The following MAPKAPK5 variants were observed in gnomAD, a reference collection of about 807,000 sequenced individuals.
MAPKAPK5 encodes the protein MAP kinase-activated protein kinase 5.
Under a neutral mutation model 65.1 loss-of-function variants are expected in MAPKAPK5, and 30 were observed. The observed-to-expected ratio is 0.46, with a 90% CI of 0.34 to 0.63. The LOEUF is 0.63. Ranked by LOEUF, MAPKAPK5 falls within the 20% of genes least tolerant of loss-of-function variation. MAPKAPK5 has a pLI of 0.01. For missense variants in MAPKAPK5, 433 were observed against 581.4 expected (o/e 0.74, Z 2.63); for synonymous variants, 179 against 204.6 (o/e 0.87, Z 1.07).
intron 8 of MAPKAPK5, among the ~76,000 whole-genome samples, chr12:111,880,922 GAC>G (rs2136136459): frequency 6.6e-6 from 1 of 152,282 alleles, no homozygotes; most frequent in African/African-American, 2.4e-5. Flanking sequence ...CCATTTCTGA[GAC>G]ACAGACGCTA....
chr12:111,871,078 A>G lies in MAPKAPK5; in HGVS notation c.484-7A>G. The G allele has an allele frequency of 6.3e-7, 1 of 1,596,206 alleles. No individual in the cohort carries two copies. The highest frequency in any genetic ancestry group is 1.8e-5 in the Admixed American group (1 of 55,376). On this transcript the variant is annotated splice_polypyrimidine_tract_variant and splice_region_variant and intron_variant, in intron 6 of 13. Coordinates refer to ENST00000550735, the MANE Select transcript of MAPKAPK5 (RefSeq NM_003668.4). ...GGAGCAGTGACTCCTTTTTTTTTTA[A>G]TTTCAGGATGCCCCAGTGAAGTTGT...
chr12:111,849,108 TA>T (rs1331918999), intron 1 of MAPKAPK5, among the ~76,000 whole-genome samples: 3 of 151,708 alleles, frequency 2.0e-5, no homozygotes, highest in Admixed American at 6.6e-5. Flanking sequence ...ATTATTTATT[TA>T]TTTTTTTATT....
chr12:111,877,693 T>C (rs1294102755), intron 7 of MAPKAPK5, among the ~76,000 whole-genome samples: 1 of 152,192 alleles, frequency 6.6e-6, no homozygotes, highest in African/African-American at 2.4e-5. Context: ...TTTCTTTTTT[T>C]TGTTGGAGAC....
intron 1 of MAPKAPK5, among the ~76,000 whole-genome samples, chr12:111,855,531 A>G (rs1307350181): frequency 2.0e-5 from 3 of 152,102 alleles, no homozygotes; most frequent in Admixed American, 2.0e-4. Flanking sequence ...CTGGTTATTT[A>G]TAAGTGTGTT....
intron 1 of MAPKAPK5, among the ~76,000 whole-genome samples, chr12:111,851,790 C>T (rs1463880523): frequency 6.6e-6 from 1 of 152,180 alleles, no homozygotes; most frequent in Non-Finnish European, 1.5e-5. Flanking sequence ...ACAATAAATT[C>T]CTGGTGGAGA....
At chr12:111,890,776 G>A (rs1436683790) in intron 13 of MAPKAPK5, among the ~76,000 whole-genome samples, 1 of 152,184 alleles carries the variant, frequency 6.6e-6, no homozygotes, top group Non-Finnish European at 1.5e-5. Flanking sequence ...TCCTGCCTCA[G>A]CCTCCCAAAT....
chr12:111,848,024 C>T (rs558978430), intron 1 of MAPKAPK5, among the ~76,000 whole-genome samples: 23 of 152,244 alleles, frequency 1.5e-4, no homozygotes, highest in Non-Finnish European at 2.8e-4. Context: ...TAGTTTTTAG[C>T]TGTTGTGAAT....
At chr12:111,886,439 A>G (rs907546979) in intron 10 of MAPKAPK5, among the ~76,000 whole-genome samples, 2 of 152,238 alleles carry the variant, frequency 1.3e-5, no homozygotes, top group African/African-American at 4.8e-5. Flanking sequence ...TGCTGTGGGA[A>G]TTCAGAAAAA....
intron 7 of MAPKAPK5, among the ~76,000 whole-genome samples, chr12:111,874,521 G>T (rs1325421027): frequency 4.7e-5 from 7 of 148,512 alleles, no homozygotes; most frequent in Non-Finnish European, 7.4e-5. Flanking sequence ...GCCCAGGCTG[G>T]AGTGCAGTGG....
chr12:111,895,231 G>C lies in MAPKAPK5; in HGVS notation c.*2170G>C, dbSNP rs989038644. 6 of 150,656 alleles carry C rather than the reference G, an allele frequency of 4.0e-5. No individual in the cohort carries two copies. Among genetic ancestry groups the C allele is most frequent in the Non-Finnish European group, 7.4e-5 (5 of 67,752 alleles). 9.3% of individuals were successfully genotyped at this position (150,656 alleles called of 1,614,324 possible). A position where few individuals can be genotyped will look rare whatever the true frequency, so the allele number is the denominator to read the frequency against. On this transcript the variant is annotated 3_prime_UTR_variant, in exon 14 of 14. Transcript: ENST00000550735. Reference sequence around the variant, plus strand: ...CCTACCTCAGCCTCCTGAGTAGCTGGGACTATACAGGTGCCCGCCACCGCG... The same window carrying C: ...CCTACCTCAGCCTCCTGAGTAGCTGCGACTATACAGGTGCCCGCCACCGCG...
At chr12:111,880,063 G>C in intron 7 of MAPKAPK5, 1 of 264,104 alleles carries the variant, frequency 3.8e-6, no homozygotes, top group Admixed American at 4.5e-5. Context: ...TTAACACCTA[G>C]ACTGACATGA....
chr12:111,879,387 G>GT (rs11330242), intron 7 of MAPKAPK5: 4,862 of 125,068 alleles, frequency 0.039, 140 homozygotes, highest in Non-Finnish European at 0.052. Flanking sequence ...TTTAGAGTAG[G>GT]TTTTTTTTTT....
rs1484668940 is a variant in MAPKAPK5, at chr12:111,894,585, T to C, written c.*1524T>C. On this transcript the variant is annotated 3_prime_UTR_variant, in exon 14 of 14. Transcript: ENST00000550735. ...AAGGCTGCCCTGTTTCTCTGTAATA[T>C]GTCTGTCTGGGTTTTGTGTTGGCAT... The C allele has an allele frequency of 1.3e-5, 2 of 151,806 alleles. No homozygotes were observed. Among genetic ancestry groups the C allele is most frequent in the Non-Finnish European group, 2.9e-5 (2 of 68,042 alleles). 9.4% of individuals were successfully genotyped at this position (151,806 alleles called of 1,614,324 possible).
intron 10 of MAPKAPK5, 96 bp downstream of exon 10, chr12:111,886,132 G>A: frequency 6.5e-7 from 1 of 1,543,870 alleles, no homozygotes; most frequent in East Asian, 2.3e-5. Context: ...AAACAGTGCA[G>A]AGTACACGAT....
At chr12:111,875,072 C>T (rs761176503) in intron 7 of MAPKAPK5, among the ~76,000 whole-genome samples, 12 of 152,304 alleles carry the variant, frequency 7.9e-5, no homozygotes, top group Admixed American at 5.9e-4. Flanking sequence ...CCACTGCACC[C>T]GGCCCATACT....
chr12:111,892,972 G>T lies in MAPKAPK5; in HGVS notation c.1327G>T (p.Gly443Ter). ...TGTTCTTTTTTTGCTTTCAGGTCGT[G>T]GATTCACAGATAAAGTAGATCGACT... is the stretch of plus-strand genomic sequence containing the variant. ...TLQSFSWNGR[G>*]FTDKVDRLKL... The change falls in exon 14 of 14, where the codon GGA becomes TGA. Residue 443 changes from glycine (G) to a stop codon, truncating the protein, a stop_gained. Coordinates refer to ENST00000550735, the MANE Select transcript of MAPKAPK5 (RefSeq NM_003668.4). LOFTEE classifies it high-confidence loss of function. The T allele has an allele frequency of 6.4e-7, 1 of 1,569,796 alleles. No homozygotes were observed. The highest frequency in any genetic ancestry group is 1.2e-5 in the South Asian group (1 of 84,714).
chr12:111,846,604 T>C (rs1298199682), intron 1 of MAPKAPK5, among the ~76,000 whole-genome samples: 1 of 151,946 alleles, frequency 6.6e-6, no homozygotes, highest in African/African-American at 2.4e-5. Flanking sequence ...CAAGCAATTC[T>C]TCTGCCTCAG....
intron 5 of MAPKAPK5, 144 bp from the exon 6 acceptor site, chr12:111,870,127 G>A (rs968872580): frequency 1.3e-4 from 62 of 469,784 alleles, no homozygotes; most frequent in Non-Finnish European, 1.3e-4. Context: ...GGTATTCCAA[G>A]TTTTTCTTAA....
At chr12:111,873,534 G>A (rs2069854505) in intron 7 of MAPKAPK5, among the ~76,000 whole-genome samples, 1 of 152,024 alleles carries the variant, frequency 6.6e-6, no homozygotes, top group Admixed American at 6.6e-5. Context: ...TAGTAGAGAC[G>A]GGGTTTCACC....
Sources: allele counts gnomAD v4.1 joint callset (sites outside exome capture counted in the v4.1 genomes callset), GRCh38; gene constraint gnomAD v4.1.1; transcripts MANE v1.5; gene names NCBI Gene and HGNC (gene_info 2026-07-23, HGNC 2026-07-21).